SLC17A1: variants seen among roughly 807,000 people sequenced by gnomAD.
The protein encoded by SLC17A1 is solute carrier family 17 member 1.
SLC17A1 carries 51 observed loss-of-function variants against 53.5 expected under a neutral mutation model. That is an observed-to-expected ratio of 0.95 (90% CI 0.76 to 1.20). SLC17A1 has a LOEUF of 1.20. Among genes scored for constraint, SLC17A1 ranks in the 50% most tolerant of loss-of-function variants. SLC17A1 has a pLI of 0.00. For missense variants in SLC17A1, 538 were observed against 568.2 expected, an observed-to-expected ratio of 0.95 and a Z score of 0.54; for synonymous variants, 179 against 198.8, an observed-to-expected ratio of 0.90 and a Z score of 0.84.
At chr6:25,810,713 A>C (rs1764123462) in intron 10 of SLC17A1, among the ~76,000 whole-genome samples, 1 of 152,200 alleles carries the variant, frequency 6.6e-6, no homozygotes, top group Non-Finnish European at 1.5e-5. Context: ...AAAAATTAAA[A>C]GTATAACCAC....
At chr6:25,818,232 C>A (rs1489785983) in intron 6 of SLC17A1, among the ~76,000 whole-genome samples, 1 of 152,120 alleles carries the variant, frequency 6.6e-6, no homozygotes, top group Non-Finnish European at 1.5e-5. Flanking sequence ...CTTATGATTG[C>A]CTCAATCTAT....
the SLC17A1 span, among the ~76,000 whole-genome samples, chr6:25,742,527 A>AAAAC: frequency 2.1e-5 from 3 of 141,818 alleles, 1 homozygote; most frequent in Admixed American, 2.2e-4. Flanking sequence ...AAAAAAAAAA[A>AAAAC]CAGATGGGTG....
At chr6:25,799,225 G>A (rs1763679402) in intron 11 of SLC17A1, among the ~76,000 whole-genome samples, 2 of 151,748 alleles carry the variant, frequency 1.3e-5, no homozygotes, top group Non-Finnish European at 2.9e-5. Context: ...ATCTTTTCAA[G>A]GTATCTTATG....
chr6:25,770,374 T>G, the SLC17A1 span: 6 of 1,614,130 alleles, frequency 3.7e-6, no homozygotes, highest in Non-Finnish European at 5.1e-6. Context: ...AATGGAATTT[T>G]TCCCCCCAGG....
the SLC17A1 span, among the ~76,000 whole-genome samples, chr6:25,769,501 T>C: frequency 6.6e-6 from 1 of 150,690 alleles, no homozygotes; most frequent in Non-Finnish European, 1.5e-5. Flanking sequence ...GAAGTTGCAG[T>C]GAGCGGAGAT....
chr6:25,753,602 AC>A, the SLC17A1 span, among the ~76,000 whole-genome samples: 1 of 152,194 alleles, frequency 6.6e-6, no homozygotes, highest in Non-Finnish European at 1.5e-5. Context: ...AACTGATAGA[AC>A]ATACTGTTGG....
At chr6:25,817,727 G>C (rs370556749) in intron 6 of SLC17A1, among the ~76,000 whole-genome samples, 8 of 152,152 alleles carry the variant, frequency 5.3e-5, no homozygotes, top group East Asian at 3.8e-4. Context: ...CTGCTCCCCT[G>C]CTCCGCCGTA....
Position 25,811,673 on chromosome 6 carries a change from C to T in SLC17A1, c.995G>A (p.Ser332Asn). 6.2e-7 allele frequency: 1 copy of T among 1,613,904 alleles called. No homozygotes were observed. Among genetic ancestry groups the T allele is most frequent in the Non-Finnish European group, 8.5e-7 (1 of 1,179,858 alleles). The part of the protein sequence containing the change: ...SDFFLTRNIL[S>N]VIAVRKLFTA... The stretch of plus-strand genomic sequence containing the variant: ...GAAGAGTTTCCGGACAGCAATTACG[C>T]TGAGAATATTCCTGGTCAGGAAGAA... Residue 332 changes from serine (S) to asparagine (N), a missense_variant, in exon 9 of 13, where the codon AGC (serine) becomes AAC (asparagine). Physicochemically the swap from Ser to Asn is conservative, Grantham distance 46. Transcript: ENST00000244527.
At chr6:25,791,018 T>C (rs1763488762) in intron 12 of SLC17A1, among the ~76,000 whole-genome samples, 1 of 152,140 alleles carries the variant, frequency 6.6e-6, no homozygotes, top group African/African-American at 2.4e-5. Flanking sequence ...AAATATAAGA[T>C]AACAACCTTA....
intron 12 of SLC17A1, among the ~76,000 whole-genome samples, chr6:25,795,265 G>C (rs1763580105): frequency 6.6e-6 from 1 of 152,126 alleles, no homozygotes; most frequent in Non-Finnish European, 1.5e-5. Context: ...CATCTTTGGG[G>C]AATTACAGGT....
the SLC17A1 span, among the ~76,000 whole-genome samples, chr6:25,724,249 C>T: frequency 1.3e-5 from 2 of 152,166 alleles, no homozygotes; most frequent in Non-Finnish European, 2.9e-5. Context: ...CATGGCGAAA[C>T]CCTGTCTCTA....
chr6:25,807,639 G>T (rs1225106390), intron 10 of SLC17A1, among the ~76,000 whole-genome samples: 1 of 151,830 alleles, frequency 6.6e-6, no homozygotes, highest in Non-Finnish European at 1.5e-5. Context: ...AGTCCGTAGA[G>T]TCCATTATGT....
chr6:25,732,658 G>A, the SLC17A1 span: 3 of 1,331,458 alleles, frequency 2.3e-6, no homozygotes, highest in South Asian at 2.3e-5. Context: ...ACAAGAAGAA[G>A]ACCCGCATCA....
intron 12 of SLC17A1, among the ~76,000 whole-genome samples, chr6:25,792,470 A>C (rs1163753925): frequency 7.7e-6 from 1 of 129,956 alleles, no homozygotes; most frequent in Non-Finnish European, 1.6e-5. Flanking sequence ...TATACATTTG[A>C]CTCCCTTTAA....
At chr6:25,809,662 G>T (rs576926995) in intron 10 of SLC17A1, among the ~76,000 whole-genome samples, 3 of 151,626 alleles carry the variant, frequency 2.0e-5, no homozygotes, top group African/African-American at 7.3e-5. Context: ...TGGATAGGAA[G>T]AATTAATGTT....
the SLC17A1 span, chr6:25,726,776 T>A: frequency 8.2e-7 from 1 of 1,223,374 alleles, no homozygotes; most frequent in Non-Finnish European, 1.1e-6. Flanking sequence ...CCTCCAGTTC[T>A]GTTTGTTTAC....
At chr6:25,772,582 T>C in the SLC17A1 span, among the ~76,000 whole-genome samples, 9 of 152,170 alleles carry the variant, frequency 5.9e-5, no homozygotes, top group Non-Finnish European at 1.2e-4. Flanking sequence ...TAATAATGTA[T>C]ATATTAGAAA....
chr6:25,727,000 G>A, the SLC17A1 span: 34 of 1,614,198 alleles, frequency 2.1e-5, no homozygotes, highest in South Asian at 1.5e-4. Flanking sequence ...GGCAAAAAGC[G>A]CAAGAGGACC....
In SLC17A1 at chr6:25,798,889, T is replaced by C; in HGVS notation, c.1300A>G (p.Ile434Val). Residue 434 changes from isoleucine (I) to valine (V), a missense_variant, in exon 12 of 13, where the codon ATC (isoleucine) becomes GTC (valine). By Grantham distance (29) the Ile-to-Val change is conservative (BLOSUM62 3). Transcript: ENST00000244527. The part of the protein sequence containing the change: ...DPESAWFKTF[I>V]LMAAINVTGL... ...GTCACATTAATGGCTGCCATCAGGA[T>C]GAAGGTTTTAAACCAGGCGGATTCC... 6.2e-7 allele frequency: 1 copy of C among 1,602,772 alleles called. No individual in the cohort carries two copies. The highest frequency in any genetic ancestry group is 8.5e-7 in the Non-Finnish European group (1 of 1,172,228).
Sources: allele counts gnomAD v4.1 joint callset (sites outside exome capture counted in the v4.1 genomes callset), GRCh38; gene constraint gnomAD v4.1.1; transcripts MANE v1.5; gene names NCBI Gene and HGNC (gene_info 2026-07-23, HGNC 2026-07-21).